The following SRGAP3 variants were observed in gnomAD, a reference collection of about 807,000 sequenced individuals.
SRGAP3 encodes the protein SLIT-ROBO Rho GTPase-activating protein 3.
In SRGAP3, 39 loss-of-function variants were observed where a neutral mutation model predicts 121.1. The ratio of observed to expected loss-of-function variants is 0.32; its 90% confidence interval spans 0.25 to 0.42. The LOEUF (loss-of-function observed/expected upper bound fraction) is 0.42, where lower values mean the gene tolerates loss of function less well. Ranked by LOEUF, SRGAP3 falls within the 10% of genes least tolerant of loss-of-function variation. The probability of loss-of-function intolerance (pLI) is 1.00; values close to 1 mark genes in which losing one functional copy is unlikely to be tolerated. For missense variants in SRGAP3, 1,213 were observed against 1,470.6 expected (o/e 0.82, Z 2.86); for synonymous variants, 601 against 570.0 (o/e 1.05, Z -0.77).
chr3:9,343,670 C>T (rs562474685), intron 1 of SRGAP3, among the ~76,000 whole-genome samples: 110 of 152,138 alleles, frequency 7.2e-4, no homozygotes, highest in African/African-American at 2.6e-3. Context: ...CTCTTATATG[C>T]TCTACTTTTA....
intron 1 of SRGAP3, among the ~76,000 whole-genome samples, chr3:9,346,291 C>A (rs773534399): frequency 3.9e-5 from 6 of 152,164 alleles, no homozygotes; most frequent in South Asian, 2.1e-4. Flanking sequence ...GTCACCCAGG[C>A]TGGAGTGCAG....
rs183635193 is a variant in SRGAP3, at chr3:9,119,131, G to A, written c.260+5594C>T. 7.9e-5 allele frequency among the ~76,000 whole-genome samples: 12 copies of A among 152,270 alleles called. No homozygotes were observed. In the East Asian group the frequency reaches 2.1e-3, roughly 27 times the overall value. Reference sequence around the variant, plus strand: ...GAGGACAGACAAGTAAACAGACGATGACAATACAGGGCTGTAGCTCTTACC... The same window carrying A: ...GAGGACAGACAAGTAAACAGACGATAACAATACAGGGCTGTAGCTCTTACC... On this transcript the variant is annotated intron_variant, in intron 2 of 21. Coordinates refer to ENST00000383836, the MANE Select transcript of SRGAP3 (RefSeq NM_014850.4).
At chr3:9,256,026 C>G (rs1031294299) in intron 3 of SRGAP3, among the ~76,000 whole-genome samples, 1 of 152,108 alleles carries the variant, frequency 6.6e-6, no homozygotes. Flanking sequence ...GTTCTCCCAT[C>G]CACCCAGGTA....
chr3:9,360,987 A>C (rs367560103), intron 1 of SRGAP3, among the ~76,000 whole-genome samples: 5 of 152,348 alleles, frequency 3.3e-5, no homozygotes, highest in African/African-American at 1.2e-4. Flanking sequence ...TTTGATGAGT[A>C]TCCCATTGTG....
chr3:8,986,231 T>A (rs184873069), intron 21 of SRGAP3, among the ~76,000 whole-genome samples: 1 of 152,204 alleles, frequency 6.6e-6, no homozygotes, highest in Non-Finnish European at 1.5e-5. Flanking sequence ...CCTTGCTATG[T>A]GACCTTATGC....
At chr3:8,992,348 G>A (rs1942106241) in intron 20 of SRGAP3, among the ~76,000 whole-genome samples, 1 of 152,090 alleles carries the variant, frequency 6.6e-6, no homozygotes, top group Admixed American at 6.6e-5. Flanking sequence ...TTCTCAGAAG[G>A]ACATGCACAG....
At chr3:9,318,405 C>A (rs1180277158) in intron 3 of SRGAP3, among the ~76,000 whole-genome samples, 1 of 151,838 alleles carries the variant, frequency 6.6e-6, no homozygotes, top group Non-Finnish European at 1.5e-5. Flanking sequence ...GGCTGTATAT[C>A]TGCTTTCATC....
intron 1 of SRGAP3, among the ~76,000 whole-genome samples, chr3:9,164,427 C>A (rs145474008): frequency 1.2e-3 from 181 of 151,966 alleles, no homozygotes; most frequent in African/African-American, 4.0e-3. Flanking sequence ...GTAGCTGGGA[C>A]TACAGGCATG....
At chr3:9,348,300 G>C (rs571482540) in intron 1 of SRGAP3, 12 of 369,522 alleles carry the variant, frequency 3.2e-5, no homozygotes, top group South Asian at 2.4e-4. Context: ...CTAAGGAAGA[G>C]AGAAAACAAG....
rs1488731089 is a variant in SRGAP3 at position 9,263,147 on chromosome 3, T to C, written n.442+62863A>G. Reference sequence around the variant, plus strand: ...GTAAATAACGAAATTAAGGCAAAAATAAATAAGTTCTTTGAAACCAATGAG... The same window carrying C: ...GTAAATAACGAAATTAAGGCAAAAACAAATAAGTTCTTTGAAACCAATGAG... On this transcript the variant is annotated intron_variant and non_coding_transcript_variant, in intron 3 of 3. Transcript: ENST00000490889. Among the ~76,000 whole-genome samples, 3 of 151,988 alleles carry C rather than the reference T, an allele frequency of 2.0e-5. No homozygotes were observed. In the East Asian group the frequency reaches 5.8e-4, roughly 29 times the overall value.
intron 1 of SRGAP3, among the ~76,000 whole-genome samples, chr3:9,130,659 A>G (rs1185194649): frequency 6.6e-6 from 1 of 152,240 alleles, no homozygotes; most frequent in East Asian, 1.9e-4. Context: ...CATTCCATGA[A>G]TTATCCTTGT....
intron 1 of SRGAP3, among the ~76,000 whole-genome samples, chr3:9,167,163 G>T (rs904320337): frequency 6.6e-6 from 1 of 152,106 alleles, no homozygotes; most frequent in Non-Finnish European, 1.5e-5. Context: ...CAGGAGAAAG[G>T]GGGAGGATTG....
At chr3:9,061,039 C>G (rs1483676807) in intron 5 of SRGAP3, among the ~76,000 whole-genome samples, 1 of 152,202 alleles carries the variant, frequency 6.6e-6, no homozygotes, top group Non-Finnish European at 1.5e-5. Context: ...CAAGACCAGC[C>G]TGGCCAACAG....
In SRGAP3 at chr3:9,185,734, A is replaced by C. The variant is rs1439230019; in HGVS notation, c.68-60817T>G. Reference sequence around the variant, plus strand: ...AATTTTTTTTTTGAGACAGGGTCTTACTATGTTGCTCAGGCTGGTCTCAAA... The same window carrying C: ...AATTTTTTTTTTGAGACAGGGTCTTCCTATGTTGCTCAGGCTGGTCTCAAA... On this transcript the variant is annotated intron_variant, in intron 1 of 21. Transcript: ENST00000383836. Among the ~76,000 whole-genome samples, 15 of 151,910 alleles carry C rather than the reference A, an allele frequency of 9.9e-5. No homozygotes were observed. The East Asian group carries it at 2.9e-3, about 29-fold the overall frequency.
At chr3:8,990,476 T>C (rs1258660416) in intron 21 of SRGAP3, 36 bp downstream of exon 21, 1 of 1,549,314 alleles carries the variant, frequency 6.5e-7, no homozygotes. Flanking sequence ...CTCTGGGGCT[T>C]TTGGCTGCCC....
chr3:9,135,869 C>T (rs980455058), intron 1 of SRGAP3, among the ~76,000 whole-genome samples: 1 of 152,202 alleles, frequency 6.6e-6, no homozygotes, highest in African/African-American at 2.4e-5. Context: ...AGCCTGGTCT[C>T]TGTTTTCTCA....
chr3:9,252,490 C>G (rs1028455474), upstream of SRGAP3, among the ~76,000 whole-genome samples: 7 of 152,084 alleles, frequency 4.6e-5, no homozygotes, highest in Non-Finnish European at 1.0e-4. Context: ...AATACAGGGC[C>G]CAGCCAAGCC....
chr3:9,040,943 G>A (rs1232009391), intron 10 of SRGAP3, among the ~76,000 whole-genome samples: 2 of 152,208 alleles, frequency 1.3e-5, no homozygotes, highest in Non-Finnish European at 2.9e-5. Flanking sequence ...AAGGAATCTT[G>A]TCAGTTCTTA....
chr3:9,135,449 A>C (rs1949609302), intron 1 of SRGAP3, among the ~76,000 whole-genome samples: 1 of 152,150 alleles, frequency 6.6e-6, no homozygotes, highest in Non-Finnish European at 1.5e-5. Context: ...CCCAAAACCC[A>C]GCATCCTGGT....
Sources: gnomAD v4.1 joint callset for allele counts (sites outside exome capture counted in the v4.1 genomes callset) on GRCh38, gnomAD v4.1.1 for gene constraint, MANE v1.5 for transcripts, NCBI Gene and HGNC (gene_info 2026-07-23, HGNC 2026-07-21) for gene names.